FAR2: variants seen among roughly 807,000 people sequenced by gnomAD.
The protein encoded by FAR2 is fatty acyl-CoA reductase 2, also known as epididymis secretory protein Li 81.
FAR2 carries 19 observed loss-of-function variants against 56.0 expected under a neutral mutation model. That is an observed-to-expected ratio of 0.34 (90% CI 0.24 to 0.50). FAR2 has a LOEUF of 0.50. Among genes scored for constraint, FAR2 ranks in the 20% least tolerant of loss-of-function variants. The pLI is 0.98. For synonymous variants in FAR2, 219 were observed against 218.8 expected (o/e 1.00, Z -0.01); for missense variants, 508 against 642.2 (o/e 0.79, Z 2.26).
At chr12:29,191,866 T>G (rs1038536308) in intron 1 of FAR2, among the ~76,000 whole-genome samples, 1 of 152,212 alleles carries the variant, frequency 6.6e-6, no homozygotes, top group Non-Finnish European at 1.5e-5. Flanking sequence ...CAAAATCTCA[T>G]CCACTCCTAG....
At position 29,195,321 on chromosome 12, in the gene FAR2, T is replaced by C. The variant is rs1950136066; in HGVS notation, c.-39+45914T>C. Among the ~76,000 whole-genome samples, 3 of 152,220 alleles carry C rather than the reference T, an allele frequency of 2.0e-5. No individual in the cohort carries two copies. The South Asian group carries it at 6.2e-4, about 31-fold the overall frequency. On this transcript the variant is annotated intron_variant, in intron 1 of 11. Coordinates refer to ENST00000536681, the MANE Select transcript of FAR2 (RefSeq NM_001271783.2). ...TACTATCTACCATCTACAATTACTT[T>C]CAGTATTTTAACAAACTGGATGACA...
chr12:29,217,486 G>A (rs1036633920), intron 1 of FAR2, among the ~76,000 whole-genome samples: 2 of 152,174 alleles, frequency 1.3e-5, no homozygotes, highest in Non-Finnish European at 2.9e-5. Flanking sequence ...AAGGCAGAGA[G>A]AGATTTCCAT....
At chr12:29,328,348 G>A (rs1208119990) in intron 10 of FAR2, among the ~76,000 whole-genome samples, 6 of 152,272 alleles carry the variant, frequency 3.9e-5, no homozygotes, top group African/African-American at 1.4e-4. Flanking sequence ...TTGGTGTGGC[G>A]ATTCCTCAGG....
Position 29,232,984 on chromosome 12 carries a change from C to T in FAR2, c.-38-37428C>T, listed in dbSNP as rs544736813. 3.3e-5 allele frequency among the ~76,000 whole-genome samples: 5 copies of T among 152,206 alleles called. No homozygotes were observed. In the East Asian group the frequency reaches 5.8e-4, roughly 18 times the overall value. On this transcript the variant is annotated intron_variant, in intron 1 of 11. Transcript: ENST00000536681. ...AGCAATGATCTGCTTCTGAAAAGAGCTTTCTGTGTTGTGATCACCATACTT... is the reference window on the plus strand; with the variant it reads ...AGCAATGATCTGCTTCTGAAAAGAGTTTTCTGTGTTGTGATCACCATACTT...
intron 1 of FAR2, among the ~76,000 whole-genome samples, chr12:29,196,451 AT>A (rs1472033665): frequency 3.9e-5 from 6 of 152,020 alleles, no homozygotes; most frequent in African/African-American, 1.4e-4. Flanking sequence ...TGATGTGAGT[AT>A]TTTTTCATAT....
chr12:29,169,795 G>C (rs1262700737), intron 1 of FAR2, among the ~76,000 whole-genome samples: 1 of 152,194 alleles, frequency 6.6e-6, no homozygotes, highest in African/African-American at 2.4e-5. Flanking sequence ...AGAGTTTGTA[G>C]TAGTAGGATA....
intron 2 of FAR2, chr12:29,280,557 G>A (rs1252920328): frequency 6.6e-6 from 1 of 152,202 alleles, no homozygotes; most frequent in East Asian, 1.9e-4. Flanking sequence ...TGCATGAGTT[G>A]TACTAATGTG....
At position 29,189,557 on chromosome 12, in the gene FAR2, T is replaced by C. The variant is rs535710158; in HGVS notation, c.-39+40150T>C. On this transcript the variant is annotated intron_variant, in intron 1 of 11. Coordinates refer to ENST00000536681, the MANE Select transcript of FAR2 (RefSeq NM_001271783.2). ...AGATTTGTGCCCTGAGTGTTCTAAT[T>C]GCTAGCAAGGTGTCATTGACTCTAG... 2.7e-3 allele frequency among the ~76,000 whole-genome samples: 416 copies of C among 152,320 alleles called. 2 individuals are homozygous for C. The highest frequency in any genetic ancestry group is 9.4e-3 in the African/African-American group (391 of 41,572).
At chr12:29,310,058 A>T (rs1949322019) in intron 6 of FAR2, among the ~76,000 whole-genome samples, 1 of 152,132 alleles carries the variant, frequency 6.6e-6, no homozygotes, top group African/African-American at 2.4e-5. Flanking sequence ...AGTGACAAAG[A>T]TCTTCCTTCC....
intron 4 of FAR2, among the ~76,000 whole-genome samples, chr12:29,303,673 T>G (rs1001752532): frequency 3.3e-5 from 5 of 152,186 alleles, no homozygotes; most frequent in African/African-American, 9.6e-5. Context: ...TTTTTTGCCT[T>G]CGTGCTATAG....
At chr12:29,188,658 C>G (rs1417118066) in intron 1 of FAR2, among the ~76,000 whole-genome samples, 1 of 152,062 alleles carries the variant, frequency 6.6e-6, no homozygotes, top group African/African-American at 2.4e-5. Context: ...TTTTTCTGTT[C>G]CAGGATCAAA....
chr12:29,175,607 T>G lies in FAR2; in HGVS notation c.-39+26200T>G, dbSNP rs114054343. 7.0e-3 allele frequency among the ~76,000 whole-genome samples: 1,071 copies of G among 152,336 alleles called. 7 individuals carry two copies. Among genetic ancestry groups the G allele is most frequent in the African/African-American group, 0.025 (1,028 of 41,574 alleles). ...GCCCACGTCCTGCTGATTGATCCAT[T>G]TTACAGAGCGTTGATTGGTCCGTTT... is the stretch of plus-strand genomic sequence containing the variant. On this transcript the variant is annotated intron_variant, in intron 1 of 11. Transcript: ENST00000536681.
intron 2 of FAR2, chr12:29,291,300 A>G (rs904517556): frequency 9.1e-6 from 4 of 438,668 alleles, no homozygotes; most frequent in Non-Finnish European, 1.8e-5. Context: ...CCACCTGCAG[A>G]GGCGGTTAAG....
chr12:29,224,616 G>A (rs1240009086), intron 1 of FAR2, among the ~76,000 whole-genome samples: 1 of 152,110 alleles, frequency 6.6e-6, no homozygotes, highest in Non-Finnish European at 1.5e-5. Flanking sequence ...TCAGAAGGCC[G>A]ATGGTTCTAT....
chr12:29,167,415 A>C, intron 1 of FAR2, among the ~76,000 whole-genome samples: 1 of 152,118 alleles, frequency 6.6e-6, no homozygotes, highest in Middle Eastern at 3.2e-3. Flanking sequence ...CCCCTATTCA[A>C]GTCTGACCTA....
Position 29,297,951 on chromosome 12 carries a change from G to A in FAR2, c.545+751G>A, listed in dbSNP as rs113064633. On this transcript the variant is annotated intron_variant, in intron 4 of 11. Coordinates refer to ENST00000536681, the MANE Select transcript of FAR2 (RefSeq NM_001271783.2). The stretch of plus-strand genomic sequence containing the variant: ...GAATCACTTGAACCTGGGGAGAATC[G>A]CTTGAACCTGGGAGGCAGAGGTTGC... Among the ~76,000 whole-genome samples, 9 of 150,530 alleles carry A rather than the reference G, an allele frequency of 6.0e-5. 1 individual carries two copies. The highest frequency in any genetic ancestry group is 2.0e-4 in the African/African-American group (8 of 40,978).
chr12:29,186,608 A>G (rs71453729), intron 1 of FAR2, among the ~76,000 whole-genome samples: 5,879 of 152,190 alleles, frequency 0.039, 332 homozygotes, highest in African/African-American at 0.13. Flanking sequence ...CCCATTTGAT[A>G]ATTCCAGGCT....
chr12:29,253,274 T>TCTAGATAG (rs1565489407), intron 1 of FAR2, among the ~76,000 whole-genome samples: 1 of 16,972 alleles, frequency 5.9e-5, no homozygotes, highest in Admixed American at 8.4e-4. Flanking sequence ...TAGATATCTA[T>TCTAGATAG]ATATCGATAT....
rs188340443 is a variant in FAR2, at chr12:29,327,484, G to A, written c.1258-5116G>A. ...CAAAAGAACAAAACTGGAGGCATCA[G>A]GCTACCTGACTTCAAACTATACTAC... On this transcript the variant is annotated intron_variant, in intron 10 of 11. Transcript: ENST00000536681. 2.4e-3 allele frequency among the ~76,000 whole-genome samples: 361 copies of A among 152,138 alleles called. 1 individual carries two copies. Among genetic ancestry groups the A allele is most frequent in the Non-Finnish European group, 4.1e-3 (279 of 67,968 alleles).
Sources: gnomAD v4.1 joint callset for allele counts (sites outside exome capture counted in the v4.1 genomes callset) on GRCh38, gnomAD v4.1.1 for gene constraint, MANE v1.5 for transcripts, NCBI Gene and HGNC (gene_info 2026-07-23, HGNC 2026-07-21) for gene names.